The following INPP1 variants were observed in gnomAD, a reference collection of about 807,000 sequenced individuals.
INPP1 encodes the protein inositol polyphosphate-1-phosphatase, also known as inositol polyphosphate 1-phosphatase.
A neutral mutation model predicts 23.0 loss-of-function variants in INPP1; 18 were observed. The ratio of observed to expected loss-of-function variants is 0.78; its 90% CI spans 0.54 to 1.16. The LOEUF is 1.16. Among genes scored for constraint, INPP1 ranks in the 50% most tolerant of loss-of-function variants. INPP1 has a pLI of 0.00. For missense variants in INPP1, 448 were observed against 482.1 expected (o/e 0.93, Z 0.66); for synonymous variants, 164 against 176.3 (o/e 0.93, Z 0.55).
At chr2:190,366,569 C>G (rs1016629923) in intron 4 of INPP1, 126 bp from the exon 5 acceptor site, 19 of 723,444 alleles carry the variant, frequency 2.6e-5, no homozygotes, top group Non-Finnish European at 3.8e-5. Flanking sequence ...CTCTCTGTGT[C>G]TCTCGCTCTC....
At position 190,369,107 on chromosome 2, in the gene INPP1, A is replaced by C. The variant is rs1689746612; in HGVS notation, c.471A>C (p.Ser157=). 5.8e-6 allele frequency: 9 copies of C among 1,561,218 alleles called. No homozygotes were observed. The highest frequency in any genetic ancestry group is 7.0e-6 in the Non-Finnish European group (8 of 1,146,280). The change falls in exon 6 of 7, where the codon TCA becomes TCC. Residue 157 remains serine (S), a synonymous_variant. Coordinates refer to ENST00000392329, the MANE Select transcript of INPP1 (RefSeq NM_001128928.2). ...ILGIWVDPID[S]TYQYIKGSAD... ...CACATTTGTTTCCTTTTTCAGATTC[A>C]ACTTATCAGTATATAAAAGGTTCTG...
rs753083781 is a variant in INPP1 at position 190,348,945 on chromosome 2, C to T, written c.-151C>T. ...ATATACCTGATTGGCAAAACAGAGCCTAAGAACCAGCTCTCCTGTATCCCA... is the reference window on the plus strand; with the variant it reads ...ATATACCTGATTGGCAAAACAGAGCTTAAGAACCAGCTCTCCTGTATCCCA... On this transcript the variant is annotated 5_prime_UTR_variant, in exon 2 of 7. Transcript: ENST00000392329. The T allele has an allele frequency of 2.0e-5, 3 of 152,178 alleles. No individual in the cohort carries two copies. Among genetic ancestry groups the T allele is most frequent in the African/African-American group, 7.2e-5 (3 of 41,418 alleles). 9.4% of individuals were successfully genotyped at this position (152,178 alleles called of 1,614,324 possible).
At chr2:190,344,440 T>C (rs1246902269) in intron 1 of INPP1, among the ~76,000 whole-genome samples, 1 of 152,212 alleles carries the variant, frequency 6.6e-6, no homozygotes, top group South Asian at 2.1e-4. Context: ...GAGATGCATC[T>C]GAGTGTCCCT....
chr2:190,364,472 GC>G, intron 4 of INPP1, among the ~76,000 whole-genome samples: 1 of 151,780 alleles, frequency 6.6e-6, no homozygotes, highest in East Asian at 2.0e-4. Flanking sequence ...AACCCGGGAG[GC>G]GGAGCTTGCA....
Position 190,355,515 on chromosome 2 carries a change from A to T in INPP1, c.-64-4524A>T, listed in dbSNP as rs1359008301. On this transcript the variant is annotated intron_variant, in intron 2 of 6. Transcript: ENST00000392329. This position sits in a 1 kb window ranked among gnomAD's most constrained non-coding sequence, Gnocchi z 5.1. ...GTTGCTGACAAAAATACAGATTCCTAGGGCTTGTCTCCAGAGATTCTGATT... is the reference window on the plus strand; with the variant it reads ...GTTGCTGACAAAAATACAGATTCCTTGGGCTTGTCTCCAGAGATTCTGATT... 6.6e-6 allele frequency among the ~76,000 whole-genome samples: 1 copy of T among 152,218 alleles called. No homozygotes were observed. The highest frequency in any genetic ancestry group is 1.5e-5 in the Non-Finnish European group (1 of 68,028).
intron 3 of INPP1, among the ~76,000 whole-genome samples, chr2:190,361,886 C>T (rs2067415): frequency 0.41 from 62,585 of 152,036 alleles, 14,895 homozygotes; most frequent in African/African-American, 0.66. Flanking sequence ...ATTTGAAGCA[C>T]GTCCTTGCTT....
chr2:190,361,782 T>C (rs1689539280), intron 3 of INPP1, among the ~76,000 whole-genome samples: 1 of 152,190 alleles, frequency 6.6e-6, no homozygotes, highest in Non-Finnish European at 1.5e-5. Context: ...TGCCAGCCCT[T>C]GTTGATTTGT....
chr2:190,363,680 C>T lies in INPP1; in HGVS notation c.265+993C>T. On this transcript the variant is annotated intron_variant, in intron 4 of 6. Transcript: ENST00000392329. This position sits in a 1 kb window ranked among gnomAD's most constrained non-coding sequence, Gnocchi z 4.4. ...ACCACATATTAAGATGCAGTTAGTT[C>T]TATGTTAGTAATACGGGAAAGAAAT... Among the ~76,000 whole-genome samples, 1 of 152,058 alleles carries T rather than the reference C, an allele frequency of 6.6e-6. No homozygotes were observed. Among genetic ancestry groups the T allele is most frequent in the East Asian group, 1.9e-4 (1 of 5,184 alleles).
chr2:190,366,798 G>A lies in INPP1; in HGVS notation c.369G>A (p.Arg123=), dbSNP rs755176350. 6.2e-7 allele frequency: 1 copy of A among 1,613,304 alleles called. No homozygotes were observed. The change falls in exon 5 of 7, where the codon AGG becomes AGA. Residue 123 remains arginine (R), a synonymous_variant. Coordinates refer to ENST00000392329, the MANE Select transcript of INPP1 (RefSeq NM_001128928.2). ...AGGTGGCATCTGAAGCATTAGCCAGGGTTGTTCATCAGGATGTTGCCTTTA... is the reference window on the plus strand; with the variant it reads ...AGGTGGCATCTGAAGCATTAGCCAGAGTTGTTCATCAGGATGTTGCCTTTA... ...GNKVASEALA[R]VVHQDVAFTD...
intron 2 of INPP1, among the ~76,000 whole-genome samples, chr2:190,353,907 A>T (rs895275436): frequency 1.3e-5 from 2 of 152,230 alleles, no homozygotes; most frequent in Non-Finnish European, 2.9e-5. Flanking sequence ...GAAAAGTCTT[A>T]AGAACCTTTT....
rs996031761 is a variant in INPP1, at chr2:190,367,287, C to T, written c.466+392C>T. 1.3e-5 allele frequency among the ~76,000 whole-genome samples: 2 copies of T among 152,184 alleles called. No homozygotes were observed. Among genetic ancestry groups the T allele is most frequent in the African/African-American group, 4.8e-5 (2 of 41,442 alleles). ...CCATTTAAAGAGCACTTAGCTTTAGCAGATTGTTACCATATGGGAGTACAG... is the reference window on the plus strand; with the variant it reads ...CCATTTAAAGAGCACTTAGCTTTAGTAGATTGTTACCATATGGGAGTACAG... On this transcript the variant is annotated intron_variant, in intron 5 of 6. Coordinates refer to ENST00000392329, the MANE Select transcript of INPP1 (RefSeq NM_001128928.2). This position sits in a 1 kb window ranked among gnomAD's most constrained non-coding sequence, Gnocchi z 4.1.
intron 6 of INPP1, among the ~76,000 whole-genome samples, 170 bp downstream of exon 6, chr2:190,369,447 C>T (rs890125318): frequency 7.9e-5 from 12 of 152,306 alleles, no homozygotes; most frequent in African/African-American, 2.2e-4. Context: ...CTTGGATTTG[C>T]GTAATTTTAT....
In INPP1 at chr2:190,352,976, G is replaced by A. The variant is rs1160498702; in HGVS notation, c.-65+3945G>A. ...GGATGTGAACCGTGGGGGTGGGGTGGAGTCAATGCGCAATGGGCAAAAATG... is the reference window on the plus strand; with the variant it reads ...GGATGTGAACCGTGGGGGTGGGGTGAAGTCAATGCGCAATGGGCAAAAATG... On this transcript the variant is annotated intron_variant, in intron 2 of 6. Transcript: ENST00000392329. This position sits in a 1 kb window ranked among gnomAD's most constrained non-coding sequence, Gnocchi z 4.7. 2.0e-5 allele frequency among the ~76,000 whole-genome samples: 3 copies of A among 152,174 alleles called. No homozygotes were observed. Among genetic ancestry groups the A allele is most frequent in the African/African-American group, 7.2e-5 (3 of 41,430 alleles).
intron 6 of INPP1, among the ~76,000 whole-genome samples, chr2:190,369,748 C>A (rs1689763794): frequency 6.6e-6 from 1 of 152,164 alleles, no homozygotes; most frequent in Non-Finnish European, 1.5e-5. Context: ...AACTCACACT[C>A]CCTTTCTGCC....
chr2:190,344,516 G>T (rs1392547642), intron 1 of INPP1, among the ~76,000 whole-genome samples: 1 of 152,202 alleles, frequency 6.6e-6, no homozygotes, highest in Non-Finnish European at 1.5e-5. Flanking sequence ...ACTATATTTA[G>T]AAAAATCTTT....
rs547969457 is a variant in INPP1, at chr2:190,353,911, AC to A, written c.-65+4882del. 1.1e-4 allele frequency among the ~76,000 whole-genome samples: 17 copies of A among 152,316 alleles called. No individual in the cohort carries two copies. The East Asian group carries it at 3.1e-3, about 28-fold the overall frequency. On this transcript the variant is annotated intron_variant, in intron 2 of 6. Coordinates refer to ENST00000392329, the MANE Select transcript of INPP1 (RefSeq NM_001128928.2). ...TGGGTTTCCAAGAAAAGTCTTAAGA[AC>A]CTTTTTTCCTTCTGACATACTTCAA... is the stretch of plus-strand genomic sequence containing the variant.
Position 190,367,558 on chromosome 2 carries a change from C to CT in INPP1, c.466+671dup, listed in dbSNP as rs1371348543. On this transcript the variant is annotated intron_variant, in intron 5 of 6. Coordinates refer to ENST00000392329, the MANE Select transcript of INPP1 (RefSeq NM_001128928.2). This position sits in a 1 kb window ranked among gnomAD's most constrained non-coding sequence, Gnocchi z 4.1. ...AATCCATTGTTTTGAAAATGTAACCCTTTTTTTTGAGACAGAGTCTCGTGT... is the reference window on the plus strand; with the variant it reads ...AATCCATTGTTTTGAAAATGTAACCCTTTTTTTTTGAGACAGAGTCTCGTGT... Among the ~76,000 whole-genome samples, 4 of 151,690 alleles carry CT rather than the reference C, an allele frequency of 2.6e-5. No individual in the cohort carries two copies. The highest frequency in any genetic ancestry group is 4.8e-5 in the African/African-American group (2 of 41,252).
rs528529796 is a variant in INPP1, at chr2:190,363,704, A to G, written c.265+1017A>G. On this transcript the variant is annotated intron_variant, in intron 4 of 6. Transcript: ENST00000392329. The surrounding 1 kb of genome is among the most constrained non-coding windows in gnomAD (Gnocchi z 4.4). The stretch of plus-strand genomic sequence containing the variant: ...TCTATGTTAGTAATACGGGAAAGAA[A>G]TCTTTTAAACCTCTGAAGGTTAAAA... Among the ~76,000 whole-genome samples the G allele has an allele frequency of 6.7e-3, 1,022 of 152,326 alleles. 11 individuals are homozygous for G. The highest frequency in any genetic ancestry group is 0.023 in the African/African-American group (971 of 41,566).
intron 6 of INPP1, among the ~76,000 whole-genome samples, chr2:190,370,269 C>T (rs4853696): frequency 0.27 from 41,438 of 152,014 alleles, 6,143 homozygotes; most frequent in Admixed American, 0.45. Flanking sequence ...AGCCTGTTTC[C>T]TTATCTGTAA....
Sources: allele counts gnomAD v4.1 joint callset (sites outside exome capture counted in the v4.1 genomes callset), GRCh38; gene constraint gnomAD v4.1.1; non-coding constraint Gnocchi (gnomAD v3.1); transcripts MANE v1.5; gene names NCBI Gene and HGNC (gene_info 2026-07-23, HGNC 2026-07-21).